CSMD3: variants seen among roughly 807,000 people sequenced by gnomAD.
CSMD3 encodes the protein CUB and Sushi multiple domains 3.
In CSMD3, 177 loss-of-function variants were observed where a neutral mutation model predicts 435.2. The ratio of observed to expected loss-of-function variants is 0.41; its 90% CI spans 0.36 to 0.46. The LOEUF (loss-of-function observed/expected upper bound fraction) is 0.46. Among genes scored for constraint, CSMD3 ranks in the 20% least tolerant of loss-of-function variants. The pLI is 0.34. For missense variants in CSMD3, 4,265 were observed against 4,504.6 expected, an observed-to-expected ratio of 0.95 and a Z score of 1.52; for synonymous variants, 1,656 against 1,520.5, an observed-to-expected ratio of 1.09 and a Z score of -2.07.
chr8:112,734,455 T>A (rs1190015806), intron 13 of CSMD3, among the ~76,000 whole-genome samples: 1 of 152,098 alleles, frequency 6.6e-6, no homozygotes, highest in East Asian at 1.9e-4. Context: ...CTGTCATATT[T>A]CCTAAAAATC....
intron 59 of CSMD3, among the ~76,000 whole-genome samples, chr8:112,280,708 A>T (rs1818547245): frequency 1.3e-5 from 2 of 152,148 alleles, no homozygotes; most frequent in Admixed American, 1.3e-4. Flanking sequence ...AGAATCTCCA[A>T]AGTGCCATCT....
intron 3 of CSMD3, among the ~76,000 whole-genome samples, chr8:113,226,554 T>G (rs2093031307): frequency 6.6e-6 from 1 of 151,588 alleles, no homozygotes; most frequent in Non-Finnish European, 1.5e-5. Flanking sequence ...TGGCCATTGT[T>G]GAATGACTTG....
chr8:113,015,669 A>C (rs879229582), intron 6 of CSMD3, among the ~76,000 whole-genome samples: 2 of 151,866 alleles, frequency 1.3e-5, no homozygotes, highest in Admixed American at 1.3e-4. Flanking sequence ...GAGATATTTC[A>C]TACTTGTATT....
chr8:113,053,821 A>T (rs560529956), intron 5 of CSMD3, among the ~76,000 whole-genome samples: 1 of 152,162 alleles, frequency 6.6e-6, no homozygotes. Flanking sequence ...CATACATGCA[A>T]TGGTTTCTTC....
chr8:112,520,228 G>C (rs1231339213), intron 27 of CSMD3, among the ~76,000 whole-genome samples: 1 of 152,038 alleles, frequency 6.6e-6, no homozygotes, highest in Non-Finnish European at 1.5e-5. Context: ...ATTACTCTCT[G>C]TATTTAGAGC....
intron 1 of CSMD3, among the ~76,000 whole-genome samples, chr8:113,349,349 A>G (rs910226066): frequency 1.3e-5 from 2 of 152,164 alleles, no homozygotes; most frequent in African/African-American, 4.8e-5. Flanking sequence ...TTACAGCAAA[A>G]GAATTGCTAG....
intron 27 of CSMD3, among the ~76,000 whole-genome samples, chr8:112,522,621 C>A (rs1355969133): frequency 6.6e-6 from 1 of 151,830 alleles, no homozygotes; most frequent in East Asian, 1.9e-4. Flanking sequence ...TCAGTGTATG[C>A]TGAAGGTTTA....
intron 6 of CSMD3, among the ~76,000 whole-genome samples, chr8:113,003,065 C>A (rs574457637): frequency 6.6e-6 from 1 of 151,968 alleles, no homozygotes; most frequent in East Asian, 1.9e-4. Flanking sequence ...TATGGTGAAA[C>A]CCCAACATTT....
Position 113,177,699 on chromosome 8 carries a change from G to C in CSMD3, c.515-3783C>G, listed in dbSNP as rs1204616631. Among the ~76,000 whole-genome samples the C allele has an allele frequency of 2.6e-5, 4 of 151,980 alleles. No individual in the cohort carries two copies. The East Asian group carries it at 7.8e-4, about 29-fold the overall frequency. ...GTACTCAAAATATGTCTCTGAAAAT[G>C]TCAGAGACTCTTTATGTTAAGTTTA... On this transcript the variant is annotated intron_variant, in intron 3 of 70. Coordinates refer to ENST00000297405, the MANE Select transcript of CSMD3 (RefSeq NM_198123.2).
chr8:113,376,090 T>C (rs1368178807), intron 1 of CSMD3, among the ~76,000 whole-genome samples: 2 of 152,176 alleles, frequency 1.3e-5, no homozygotes, highest in East Asian at 3.9e-4. Flanking sequence ...AAGCTCATTG[T>C]TTTAATGAGA....
At chr8:113,285,271 T>C (rs1371769214) in intron 2 of CSMD3, among the ~76,000 whole-genome samples, 1 of 150,956 alleles carries the variant, frequency 6.6e-6, no homozygotes, top group Non-Finnish European at 1.5e-5. Context: ...CTTTTTTTTT[T>C]TTTTTTTTGA....
chr8:113,255,474 T>C (rs566357870), intron 3 of CSMD3, among the ~76,000 whole-genome samples: 13 of 152,158 alleles, frequency 8.5e-5, no homozygotes, highest in Non-Finnish European at 1.3e-4. Context: ...AGAAAAATAA[T>C]GACAAAACAA....
intron 4 of CSMD3, among the ~76,000 whole-genome samples, chr8:113,151,802 G>A (rs780495378): frequency 6.6e-6 from 1 of 151,940 alleles, no homozygotes; most frequent in Non-Finnish European, 1.5e-5. Context: ...ATATGATTTT[G>A]AGAAAAATGC....
At chr8:112,862,567 T>C (rs1166654531) in intron 10 of CSMD3, among the ~76,000 whole-genome samples, 2 of 151,972 alleles carry the variant, frequency 1.3e-5, no homozygotes, top group African/African-American at 4.8e-5. Flanking sequence ...AGTTCACACA[T>C]AGCAACACAA....
At chr8:112,313,514 CA>C (rs1159095455) in intron 49 of CSMD3, among the ~76,000 whole-genome samples, 2 of 151,906 alleles carry the variant, frequency 1.3e-5, no homozygotes, top group East Asian at 3.9e-4. Context: ...TTTGTCAGTT[CA>C]AAGAAAACAA....
At chr8:113,386,438 T>G (rs1007880349) in intron 1 of CSMD3, among the ~76,000 whole-genome samples, 1 of 151,914 alleles carries the variant, frequency 6.6e-6, no homozygotes, top group African/African-American at 2.4e-5. Flanking sequence ...ATAAAGACAA[T>G]TTAGATCACT....
chr8:113,271,311 C>A (rs2093523873), intron 3 of CSMD3, among the ~76,000 whole-genome samples: 1 of 152,126 alleles, frequency 6.6e-6, no homozygotes, highest in South Asian at 2.1e-4. Context: ...GGGCACGTCA[C>A]AGGTCTTTAT....
At chr8:112,256,721 C>T (rs1815840137) in intron 61 of CSMD3, among the ~76,000 whole-genome samples, 1 of 152,184 alleles carries the variant, frequency 6.6e-6, no homozygotes, top group South Asian at 2.1e-4. Context: ...TTCAAATGTA[C>T]TCGATTTTCA....
rs979627485 is a variant in CSMD3 at position 112,687,983 on chromosome 8, C to T, written c.2155+1885G>A. Among the ~76,000 whole-genome samples, 12 of 152,192 alleles carry T rather than the reference C, an allele frequency of 7.9e-5. No individual in the cohort carries two copies. In the South Asian group the frequency reaches 1.9e-3, roughly 24 times the overall value. ...ATAACTCCTGATCTAAATTAAGGGT[C>T]GGAAATCTTTTTCTGAAAAGGAGTA... On this transcript the variant is annotated intron_variant, in intron 14 of 70. Coordinates refer to ENST00000297405, the MANE Select transcript of CSMD3 (RefSeq NM_198123.2).
Sources: gnomAD v4.1 joint callset for allele counts (sites outside exome capture counted in the v4.1 genomes callset) on GRCh38, gnomAD v4.1.1 for gene constraint, MANE v1.5 for transcripts, NCBI Gene and HGNC (gene_info 2026-07-23, HGNC 2026-07-21) for gene names.